Variants in SUPT3H observed in about 807,000 individuals in gnomAD.
SUPT3H encodes the protein transcription initiation protein SPT3 homolog.
In SUPT3H, 44 loss-of-function variants were observed where a neutral mutation model predicts 44.3. The observed-to-expected ratio is 0.99, with a 90% CI of 0.78 to 1.28. The LOEUF (loss-of-function observed/expected upper bound fraction) is 1.28. SUPT3H is among the 50% of genes most tolerant of loss of function. The pLI, the probability that SUPT3H is intolerant of heterozygous loss-of-function variation, is 0.00. For synonymous variants in SUPT3H, 124 were observed against 125.6 expected (o/e 0.99, Z 0.09); for missense variants, 380 against 387.1 (o/e 0.98, Z 0.15).
At chr6:45,163,814 A>AG (rs386406923) in intron 2 of SUPT3H, among the ~76,000 whole-genome samples, 6 of 151,594 alleles carry the variant, frequency 4.0e-5, no homozygotes, top group Admixed American at 2.6e-4. Context: ...AAAAAAAAAA[A>AG]GCAAGAGGTC....
chr6:45,212,743 C>T (rs956939362), intron 2 of SUPT3H, among the ~76,000 whole-genome samples: 1 of 152,152 alleles, frequency 6.6e-6, no homozygotes, highest in African/African-American at 2.4e-5. Context: ...ATACAAATAA[C>T]CTTCCCTCAC....
intron 6 of SUPT3H, among the ~76,000 whole-genome samples, chr6:44,979,934 T>C (rs1042870186): frequency 6.6e-6 from 1 of 152,218 alleles, no homozygotes; most frequent in African/African-American, 2.4e-5. Context: ...AATTATTTTC[T>C]TGAAGTACGT....
chr6:44,851,990 G>A (rs749430076), intron 10 of SUPT3H, among the ~76,000 whole-genome samples: 16 of 152,100 alleles, frequency 1.1e-4, no homozygotes, highest in South Asian at 2.1e-4. Flanking sequence ...CCCCATTGGC[G>A]TTTCCTACAA....
At chr6:44,896,034 C>T (rs1460939517) in intron 10 of SUPT3H, among the ~76,000 whole-genome samples, 1 of 152,006 alleles carries the variant, frequency 6.6e-6, no homozygotes, top group East Asian at 1.9e-4. Context: ...TGGGGACAAA[C>T]AACATTACAA....
chr6:45,082,164 C>G (rs1795896222), intron 3 of SUPT3H, among the ~76,000 whole-genome samples: 1 of 151,966 alleles, frequency 6.6e-6, no homozygotes, highest in African/African-American at 2.4e-5. Context: ...GCCTACCAAC[C>G]AGAAAAAGCC....
chr6:45,003,946 A>AT (rs1237143592), intron 5 of SUPT3H, among the ~76,000 whole-genome samples, 154 bp from the exon 6 acceptor site: 1 of 152,204 alleles, frequency 6.6e-6, no homozygotes, highest in Non-Finnish European at 1.5e-5. Context: ...AAATAAAAGT[A>AT]TAAGTCATAC....
rs58450592 is a variant in SUPT3H at position 44,981,052 on chromosome 6, C to T, written c.505-19224G>A. 9.2e-3 allele frequency among the ~76,000 whole-genome samples: 1,400 copies of T among 152,242 alleles called. 23 individuals carry two copies. Among genetic ancestry groups the T allele is most frequent in the African/African-American group, 0.032 (1,318 of 41,552 alleles). On this transcript the variant is annotated intron_variant, in intron 6 of 10. Coordinates refer to ENST00000371459, the MANE Select transcript of SUPT3H (RefSeq NM_003599.4). ...TCCAATGCCTACTTAAATGCTTTGC[C>T]GTTTTGCGTAAATGCCAGCTGGTGG...
intron 10 of SUPT3H, among the ~76,000 whole-genome samples, chr6:44,870,784 T>G (rs1360914518): frequency 5.3e-5 from 8 of 150,568 alleles, no homozygotes; most frequent in South Asian, 4.3e-4. Flanking sequence ...CAGGCCAGTG[T>G]GTGCGCGCAC....
intron 6 of SUPT3H, among the ~76,000 whole-genome samples, chr6:44,974,208 A>T (rs899755373): frequency 6.6e-6 from 1 of 152,044 alleles, no homozygotes; most frequent in African/African-American, 2.4e-5. Context: ...AACATTTGAA[A>T]ATATGTATTT....
chr6:44,944,499 T>A (rs1772965965), intron 9 of SUPT3H, among the ~76,000 whole-genome samples: 2 of 151,814 alleles, frequency 1.3e-5, no homozygotes, highest in Admixed American at 1.3e-4. Context: ...CAGCAGCTCA[T>A]GCCTATAAAA....
intron 2 of SUPT3H, among the ~76,000 whole-genome samples, chr6:45,280,137 G>A (rs2153665898): frequency 6.6e-6 from 1 of 152,208 alleles, no homozygotes; most frequent in South Asian, 2.1e-4. Context: ...AACACGGGAA[G>A]CCAAATTTTT....
chr6:45,007,200 T>C (rs1041369771), intron 5 of SUPT3H, among the ~76,000 whole-genome samples: 1 of 152,178 alleles, frequency 6.6e-6, no homozygotes, highest in Non-Finnish European at 1.5e-5. Context: ...TTTTTGGAGG[T>C]AGAGGAGGCT....
At position 44,983,337 on chromosome 6, in the gene SUPT3H, C is replaced by T. The variant is rs533789769; in HGVS notation, c.504+20316G>A. Among the ~76,000 whole-genome samples the T allele has an allele frequency of 1.3e-4, 20 of 152,106 alleles. 1 individual carries two copies. The South Asian group carries it at 2.3e-3, about 17-fold the overall frequency. ...ATAATAAGGAGATAAAGTGAGCCTT[C>T]AAAAATTTACATTAAATTTATTGGA... is the stretch of plus-strand genomic sequence containing the variant. On this transcript the variant is annotated intron_variant, in intron 6 of 10. Coordinates refer to ENST00000371459, the MANE Select transcript of SUPT3H (RefSeq NM_003599.4).
At chr6:44,962,297 A>T (rs1776140517) in intron 6 of SUPT3H, among the ~76,000 whole-genome samples, 1 of 152,206 alleles carries the variant, frequency 6.6e-6, no homozygotes, top group Admixed American at 6.5e-5. Flanking sequence ...GATTGCAAGA[A>T]AATAAAGAAA....
At chr6:45,201,298 C>T (rs1762423877) in intron 2 of SUPT3H, among the ~76,000 whole-genome samples, 1 of 151,682 alleles carries the variant, frequency 6.6e-6, no homozygotes, top group Non-Finnish European at 1.5e-5. Context: ...CTGCAACTTG[C>T]CAACTTAAAA....
At chr6:45,164,462 C>T (rs1423346406) in intron 2 of SUPT3H, among the ~76,000 whole-genome samples, 2 of 152,096 alleles carry the variant, frequency 1.3e-5, no homozygotes, top group East Asian at 3.9e-4. Context: ...CAAAAATTGA[C>T]TGTATTTAGC....
intron 2 of SUPT3H, among the ~76,000 whole-genome samples, chr6:45,214,680 C>G (rs1764735128): frequency 6.6e-6 from 1 of 152,066 alleles, no homozygotes; most frequent in African/African-American, 2.4e-5. Context: ...GCTCCCATCT[C>G]TAAAATAATT....
intron 10 of SUPT3H, among the ~76,000 whole-genome samples, chr6:44,831,945 A>G (rs1768851431): frequency 6.6e-6 from 1 of 152,194 alleles, no homozygotes; most frequent in Non-Finnish European, 1.5e-5. Flanking sequence ...TGAGAAAACC[A>G]AAGTTTAGAG....
intron 10 of SUPT3H, among the ~76,000 whole-genome samples, chr6:44,912,443 T>C (rs781275026): frequency 6.6e-6 from 1 of 152,242 alleles, no homozygotes; most frequent in Non-Finnish European, 1.5e-5. Flanking sequence ...TAATATTTCA[T>C]TGTATGTATA....
Sources: gnomAD v4.1 joint callset for allele counts (sites outside exome capture counted in the v4.1 genomes callset) on GRCh38, gnomAD v4.1.1 for gene constraint, MANE v1.5 for transcripts, NCBI Gene and HGNC (gene_info 2026-07-23, HGNC 2026-07-21) for gene names.